Variants in FBXO9 observed in about 807,000 individuals in gnomAD.
FBXO9 encodes the protein F-box protein 9.
In FBXO9, 43 loss-of-function variants were observed where a neutral mutation model predicts 63.7. That is an observed-to-expected ratio of 0.67 (90% confidence interval 0.53 to 0.87). The LOEUF (loss-of-function observed/expected upper bound fraction) is 0.87, where lower values mean the gene tolerates loss of function less well. FBXO9 is among the 40% of genes least tolerant of loss of function. The probability of loss-of-function intolerance (pLI) is 0.00; values close to 1 mark genes in which losing one functional copy is unlikely to be tolerated. For synonymous variants in FBXO9, 156 were observed against 171.7 expected (o/e 0.91, Z 0.72); for missense variants, 442 against 533.2 (o/e 0.83, Z 1.68).
At chr6:53,082,950 T>A (rs1769362294) in intron 7 of FBXO9, among the ~76,000 whole-genome samples, 2 of 152,198 alleles carry the variant, frequency 1.3e-5, no homozygotes, top group Admixed American at 1.3e-4. Context: ...TGTAAACTCA[T>A]TGTGGTAATG....
intron 1 of FBXO9, among the ~76,000 whole-genome samples, chr6:53,066,467 A>G (rs1768702817): frequency 6.6e-6 from 1 of 152,210 alleles, no homozygotes; most frequent in Admixed American, 6.5e-5. Context: ...TCTCTGCCCT[A>G]TGCCTTTCTT....
rs772447447 is a variant in FBXO9, at chr6:53,073,602, A to T, written c.212A>T (p.Asp71Val). The T allele has an allele frequency of 6.2e-7, 1 of 1,606,502 alleles. No homozygotes were observed. ...ARGSLQKTSA[D>V]TKGKQEQAKE... is the part of the protein sequence containing the mutation. Reference sequence around the variant, plus strand: ...GGCTCTCTCCAGAAAACATCGGCAGATACCAAAGGAAAACAAGAACAGGCA... The same window carrying T: ...GGCTCTCTCCAGAAAACATCGGCAGTTACCAAAGGAAAACAAGAACAGGCA... Residue 71 changes from aspartate to valine, a missense_variant, in exon 3 of 13, where the codon GAT (aspartate) becomes GTT (valine). By Grantham distance (152) the Asp-to-Val change is radical. Transcript: ENST00000323557.
intron 2 of FBXO9, among the ~76,000 whole-genome samples, chr6:53,072,341 C>T (rs1768951316): frequency 6.6e-6 from 1 of 152,002 alleles, no homozygotes; most frequent in Non-Finnish European, 1.5e-5. Context: ...GATTGCTGTG[C>T]AGGAAGTTTA....
chr6:53,088,016 C>T (rs1237142372), intron 7 of FBXO9, among the ~76,000 whole-genome samples: 1 of 152,152 alleles, frequency 6.6e-6, no homozygotes, highest in Non-Finnish European at 1.5e-5. Flanking sequence ...CTTAACCAGT[C>T]ATTTTACTTT....
chr6:53,072,008 GA>G (rs1220854377), intron 2 of FBXO9, among the ~76,000 whole-genome samples: 3 of 151,908 alleles, frequency 2.0e-5, no homozygotes, highest in African/African-American at 7.2e-5. Flanking sequence ...CATTAAAAGA[GA>G]AAAAAAGTTG....
At chr6:53,065,998 C>T (rs1768685369) in intron 1 of FBXO9, 5 of 1,195,506 alleles carry the variant, frequency 4.2e-6, no homozygotes, top group Non-Finnish European at 4.2e-6. Context: ...GGATTCCTTC[C>T]TGCTGAGCCT....
intron 12 of FBXO9, among the ~76,000 whole-genome samples, chr6:53,097,025 C>G (rs1371522597): frequency 6.6e-6 from 1 of 152,076 alleles, no homozygotes; most frequent in Non-Finnish European, 1.5e-5. Context: ...AAGGACATTA[C>G]CAGAGGCATT....
At chr6:53,084,218 A>G (rs1046219087) in intron 7 of FBXO9, among the ~76,000 whole-genome samples, 5 of 152,246 alleles carry the variant, frequency 3.3e-5, no homozygotes, top group African/African-American at 9.6e-5. Context: ...TGAGTAGACC[A>G]GTGACCACAG....
At chr6:53,077,449 G>C (rs2127491266) in intron 4 of FBXO9, among the ~76,000 whole-genome samples, 1 of 143,192 alleles carries the variant, frequency 7.0e-6, no homozygotes, top group South Asian at 2.3e-4. Context: ...CTCCAGCCTG[G>C]GCGACAGAGC....
chr6:53,077,472 CAAAAAAAAA>C (rs1173539613), intron 4 of FBXO9, among the ~76,000 whole-genome samples: 34 of 70,462 alleles, frequency 4.8e-4, no homozygotes, highest in African/African-American at 1.6e-3. Context: ...GACTCCGTCT[CAAAAAAAAA>C]AAAAAAAAAA....
At chr6:53,076,672 A>G (rs1259350337) in intron 4 of FBXO9, 129 bp downstream of exon 4, 8 of 623,510 alleles carry the variant, frequency 1.3e-5, no homozygotes, top group African/African-American at 5.8e-5. Flanking sequence ...TTCCTTCAGT[A>G]CTCATTGGAA....
chr6:53,075,741 T>TA (rs1304164206), intron 3 of FBXO9, among the ~76,000 whole-genome samples: 12 of 108,120 alleles, frequency 1.1e-4, no homozygotes, highest in African/African-American at 4.5e-4. Context: ...ATAATTATTT[T>TA]TTTTTTTTTT....
chr6:53,065,930 C>G (rs1768679172), intron 1 of FBXO9, 138 bp downstream of exon 1: 1 of 1,180,556 alleles, frequency 8.5e-7, no homozygotes, highest in Non-Finnish European at 1.1e-6. Flanking sequence ...GTTAGAGGGC[C>G]CTGGCCTGAG....
chr6:53,066,164 G>C (rs2127485204), intron 1 of FBXO9: 2 of 1,047,104 alleles, frequency 1.9e-6, no homozygotes, highest in South Asian at 4.6e-5. Flanking sequence ...AGCTGTCACA[G>C]CGCCTGAATT....
At chr6:53,078,978 G>T in intron 5 of FBXO9, 80 bp downstream of exon 5, 1 of 1,008,132 alleles carries the variant, frequency 9.9e-7, no homozygotes. Flanking sequence ...TCTTAAGATG[G>T]TGCTAATTCT....
At chr6:53,065,872 G>C in intron 1 of FBXO9, 80 bp downstream of exon 1, 1 of 1,253,670 alleles carries the variant, frequency 8.0e-7, no homozygotes, top group East Asian at 3.1e-5. Context: ...TAGGGCTGGG[G>C]GTCGGCGGGG....
At chr6:53,093,646 C>A in intron 10 of FBXO9, 85 bp downstream of exon 10, 1 of 1,003,490 alleles carries the variant, frequency 1.0e-6, no homozygotes, top group Non-Finnish European at 1.5e-6. Flanking sequence ...GTGCTTCTTT[C>A]ACTTAATACT....
chr6:53,076,019 C>T (rs553939461), intron 3 of FBXO9, among the ~76,000 whole-genome samples: 9 of 152,242 alleles, frequency 5.9e-5, no homozygotes, highest in Non-Finnish European at 1.0e-4. Context: ...GCTGGGATTA[C>T]AGGCGTGAGC....
chr6:53,075,246 G>A (rs544557829), intron 3 of FBXO9, among the ~76,000 whole-genome samples: 5 of 151,416 alleles, frequency 3.3e-5, no homozygotes, highest in African/African-American at 7.3e-5. Context: ...AGCGATTCTC[G>A]TGCCTTGGCC....
Sources: gnomAD v4.1 joint callset for allele counts (sites outside exome capture counted in the v4.1 genomes callset) on GRCh38, gnomAD v4.1.1 for gene constraint, MANE v1.5 for transcripts, NCBI Gene and HGNC (gene_info 2026-07-23, HGNC 2026-07-21) for gene names.